The following SLC4A10 variants were observed in gnomAD, a reference collection of about 807,000 sequenced individuals.
SLC4A10 encodes solute carrier family 4 member 10.
Under a neutral mutation model 137.7 loss-of-function variants are expected in SLC4A10, and 42 were observed. The observed-to-expected ratio is 0.30, with a 90% CI of 0.24 to 0.39. The LOEUF (loss-of-function observed/expected upper bound fraction) is 0.39. SLC4A10 is among the 10% of genes least tolerant of loss of function. SLC4A10 has a pLI of 1.00. For missense variants in SLC4A10, 925 were observed against 1,355.0 expected (o/e 0.68, Z 4.98); for synonymous variants, 474 against 464.1 (o/e 1.02, Z -0.27).
chr2:161,818,640 G>T (rs944999531), intron 3 of SLC4A10, among the ~76,000 whole-genome samples: 1 of 152,160 alleles, frequency 6.6e-6, no homozygotes, highest in Admixed American at 6.5e-5. Context: ...TTATTATTTT[G>T]AGATACATCC....
At chr2:161,896,037 A>C (rs1203072929) in intron 11 of SLC4A10, among the ~76,000 whole-genome samples, 1 of 151,986 alleles carries the variant, frequency 6.6e-6, no homozygotes, top group African/African-American at 2.4e-5. Context: ...TAGGGTTTTT[A>C]TGGTTTTAGG....
intron 1 of SLC4A10, among the ~76,000 whole-genome samples, chr2:161,696,363 G>A (rs2042503314): frequency 6.7e-6 from 1 of 149,442 alleles, no homozygotes; most frequent in South Asian, 2.1e-4. Context: ...GTGCAGGTTA[G>A]TTACATATGT....
chr2:161,684,954 T>A (rs1423076747), intron 1 of SLC4A10, among the ~76,000 whole-genome samples: 1 of 152,158 alleles, frequency 6.6e-6, no homozygotes, highest in African/African-American at 2.4e-5. Context: ...GGGGGTCAGA[T>A]GATGTGTGCA....
chr2:161,624,598 C>A (rs1191156074), intron 1 of SLC4A10, 32 bp downstream of exon 1: 1 of 1,551,438 alleles, frequency 6.4e-7, no homozygotes, highest in South Asian at 1.2e-5. Flanking sequence ...CATAGATTAA[C>A]CGCGTTTGCT....
intron 12 of SLC4A10, 191 bp downstream of exon 12, chr2:161,901,202 GA>G: frequency 3.6e-6 from 2 of 553,106 alleles, no homozygotes; most frequent in Non-Finnish European, 6.6e-6. Flanking sequence ...TAAAACAGTG[GA>G]TACACCCTTC....
intron 2 of SLC4A10, among the ~76,000 whole-genome samples, chr2:161,784,798 AG>A (rs1295865901): frequency 6.6e-6 from 1 of 151,572 alleles, no homozygotes; most frequent in Non-Finnish European, 1.5e-5. Flanking sequence ...TGAAAAAAGA[AG>A]ACAGATCTCA....
At chr2:161,877,689 C>T (rs1429692337) in intron 8 of SLC4A10, among the ~76,000 whole-genome samples, 1 of 151,760 alleles carries the variant, frequency 6.6e-6, no homozygotes, top group Non-Finnish European at 1.5e-5. Context: ...CTATATAATC[C>T]AGTGTACATT....
intron 1 of SLC4A10, among the ~76,000 whole-genome samples, chr2:161,663,841 T>C (rs1357206998): frequency 6.6e-6 from 1 of 152,054 alleles, no homozygotes. Flanking sequence ...ATGAATTTTT[T>C]TGAACAGCTG....
intron 1 of SLC4A10, among the ~76,000 whole-genome samples, chr2:161,693,620 CT>C (rs1349196194): frequency 6.6e-6 from 1 of 150,880 alleles, no homozygotes; most frequent in Non-Finnish European, 1.5e-5. Flanking sequence ...TTTCCCCACC[CT>C]TCAGCCTCTG....
intron 9 of SLC4A10, among the ~76,000 whole-genome samples, chr2:161,880,234 C>T (rs920070527): frequency 1.3e-5 from 2 of 152,098 alleles, no homozygotes; most frequent in African/African-American, 2.4e-5. Flanking sequence ...GCTGTTAGTG[C>T]GCCTCCTCTT....
intron 2 of SLC4A10, among the ~76,000 whole-genome samples, chr2:161,796,851 T>G (rs2054827407): frequency 6.6e-6 from 1 of 152,168 alleles, no homozygotes; most frequent in African/African-American, 2.4e-5. Context: ...CAGAATGAGC[T>G]TCTTTCTACA....
At chr2:161,866,301 C>A (rs923061376) in intron 6 of SLC4A10, among the ~76,000 whole-genome samples, 1 of 151,990 alleles carries the variant, frequency 6.6e-6, no homozygotes, top group Non-Finnish European at 1.5e-5. Context: ...CATTTCCTTG[C>A]TCTTCTCCTT....
chr2:161,875,596 T>C (rs1046930862), intron 8 of SLC4A10, among the ~76,000 whole-genome samples: 1 of 152,224 alleles, frequency 6.6e-6, no homozygotes, highest in East Asian at 1.9e-4. Flanking sequence ...AAGCAATATT[T>C]GTTTTTGTTT....
chr2:161,976,405 C>T (rs1039363547), intron 24 of SLC4A10, among the ~76,000 whole-genome samples: 4 of 152,020 alleles, frequency 2.6e-5, no homozygotes, highest in Admixed American at 6.6e-5. Flanking sequence ...TTAGAGAAGT[C>T]AGAAACCTAG....
chr2:161,938,987 A>G (rs1368875940), intron 15 of SLC4A10, among the ~76,000 whole-genome samples: 1 of 152,174 alleles, frequency 6.6e-6, no homozygotes, highest in Non-Finnish European at 1.5e-5. Flanking sequence ...AAATTTCTAA[A>G]TAATATGCTT....
intron 1 of SLC4A10, among the ~76,000 whole-genome samples, chr2:161,727,042 G>T (rs749667564): frequency 3.3e-5 from 5 of 152,236 alleles, no homozygotes; most frequent in African/African-American, 4.8e-5. Flanking sequence ...TACTCCAGCA[G>T]AATACTGGAA....
intron 1 of SLC4A10, among the ~76,000 whole-genome samples, chr2:161,730,499 C>A (rs1316361739): frequency 2.0e-5 from 3 of 152,128 alleles, no homozygotes; most frequent in Non-Finnish European, 4.4e-5. Flanking sequence ...TCATCATTAT[C>A]TTCTTTGTGA....
Position 161,979,910 on chromosome 2 carries a change from A to T in SLC4A10, c.*26+2150A>T, listed in dbSNP as rs561321510. Among the ~76,000 whole-genome samples the T allele has an allele frequency of 8.0e-4, 122 of 152,288 alleles. 2 individuals carry two copies. The highest frequency in any genetic ancestry group is 2.8e-3 in the African/African-American group (118 of 41,556). On this transcript the variant is annotated intron_variant, in intron 26 of 26. Coordinates refer to ENST00000446997, the MANE Select transcript of SLC4A10 (RefSeq NM_001178015.2). ...GAAATTATATTTTCTCAATTATATC[A>T]TTCACTTTTTGTTGTCAAAAATATT...
At chr2:161,755,990 C>T (rs1014619429) in intron 1 of SLC4A10, among the ~76,000 whole-genome samples, 4 of 151,948 alleles carry the variant, frequency 2.6e-5, no homozygotes, top group African/African-American at 4.8e-5. Context: ...AGGGTGATCT[C>T]GAACTCCTGA....
Sources: gnomAD v4.1 joint callset for allele counts (sites outside exome capture counted in the v4.1 genomes callset) on GRCh38, gnomAD v4.1.1 for gene constraint, MANE v1.5 for transcripts, NCBI Gene and HGNC (gene_info 2026-07-23, HGNC 2026-07-21) for gene names.